The following TET2 variants were observed in gnomAD, a reference collection of about 807,000 sequenced individuals.
The protein encoded by TET2 is tet methylcytosine dioxygenase 2.
A neutral mutation model predicts 142.9 loss-of-function variants in TET2; 299 were observed. That is an observed-to-expected ratio of 2.09 (90% CI 1.90 to 2.30). The LOEUF (loss-of-function observed/expected upper bound fraction) is 2.30. TET2 is among the 30% of genes most tolerant of loss of function. The pLI is 0.00. For synonymous variants in TET2, 819 were observed against 849.0 expected (o/e 0.96, Z 0.61); for missense variants, 2,418 against 2,378.0 (o/e 1.02, Z -0.35).
chr4:105,196,961 C>T (rs971736965), intron 2 of TET2, among the ~76,000 whole-genome samples: 1 of 152,152 alleles, frequency 6.6e-6, no homozygotes, highest in African/African-American at 2.4e-5. Flanking sequence ...AAAATAGATA[C>T]AGCACTTGCC....
chr4:105,152,578 TTTTCTTTC>T (rs202087309), intron 1 of TET2, among the ~76,000 whole-genome samples: 3 of 131,326 alleles, frequency 2.3e-5, no homozygotes, highest in African/African-American at 5.8e-5. Flanking sequence ...TTCTTTTCCT[TTTTCTTTC>T]TTTCTTTCTT....
chr4:105,199,931 T>A (rs1417047707), intron 2 of TET2, among the ~76,000 whole-genome samples: 5 of 152,318 alleles, frequency 3.3e-5, no homozygotes, highest in South Asian at 2.1e-4. Context: ...TTTTTTTTTA[T>A]CCAGTCTATT....
At position 105,158,811 on chromosome 4, in the gene TET2, GA is replaced by G. The variant is rs57197640; in HGVS notation, c.-193+11843del. Among the ~76,000 whole-genome samples the G allele has an allele frequency of 8.8e-3, 1,265 of 143,218 alleles. 13 individuals are homozygous for G. The highest frequency in any genetic ancestry group is 0.029 in the African/African-American group (1,126 of 39,412). 94.0% of individuals were successfully genotyped at this position (143,218 alleles called of 152,430 possible). ...ATATTACAGTTCTTCCTCTTTTTTG[GA>G]AAAAAAAAAAGAAAGAAAAGACAAA... On this transcript the variant is annotated intron_variant, in intron 1 of 10. Transcript: ENST00000380013.
chr4:105,235,799 T>C lies in TET2; in HGVS notation c.1857T>C (p.Ala619=), dbSNP rs375186873. Residue 619 remains alanine, a synonymous_variant, in exon 3 of 11, where the codon GCT becomes GCC. Transcript: ENST00000380013. ...TGCCTGGGGGGCTCCCAAGGCAAGC[T>C]TACACCCAGAAAACAACACAGCTGG... The part of the protein sequence containing the change: ...SNMPGGLPRQ[A]YTQKTTQLEH... 60 of 1,613,936 alleles carry C rather than the reference T, an allele frequency of 3.7e-5. No individual in the cohort carries two copies. The highest frequency in any genetic ancestry group is 1.4e-5 in the Non-Finnish European group (17 of 1,180,016).
intron 1 of TET2, among the ~76,000 whole-genome samples, chr4:105,163,838 AGAGAGAGAGAGAGAGAGTGT>A (rs1350884202): frequency 7.4e-5 from 9 of 121,314 alleles, no homozygotes; most frequent in African/African-American, 1.1e-4. Context: ...AGAGAGAGAG[AGAGAGAGAGAGAGAGAGTGT>A]GTGTGTGTGT....
At chr4:105,183,081 T>C (rs925498809) in intron 1 of TET2, among the ~76,000 whole-genome samples, 6 of 152,140 alleles carry the variant, frequency 3.9e-5, no homozygotes, top group African/African-American at 1.4e-4. Flanking sequence ...ATGCTATAGA[T>C]TGGAAGCAGT....
intron 1 of TET2, among the ~76,000 whole-genome samples, chr4:105,149,435 T>A (rs1026484743): frequency 5.9e-5 from 9 of 152,204 alleles, no homozygotes; most frequent in African/African-American, 2.2e-4. Context: ...AAGAGATGTG[T>A]ATGTTAGTCA....
rs202055994 is a variant in TET2, at chr4:105,241,955, G to A, written c.3500+526G>A. On this transcript the variant is annotated intron_variant, in intron 4 of 10. Coordinates refer to ENST00000380013, the MANE Select transcript of TET2 (RefSeq NM_001127208.3). ...ACAGCTGCCTTTTTTTTTTTTTTTC[G>A]CTATCAATCACAGGTATACAAGTAC... 3.8e-5 allele frequency: 34 copies of A among 903,320 alleles called. No individual in the cohort carries two copies. In the East Asian group the frequency reaches 1.0e-3, roughly 27 times the overall value. 56.0% of individuals were successfully genotyped at this position (903,320 alleles called of 1,614,324 possible).
At chr4:105,268,202 AAATT>A (rs761265534) in intron 8 of TET2, among the ~76,000 whole-genome samples, 4 of 152,322 alleles carry the variant, frequency 2.6e-5, no homozygotes, top group Non-Finnish European at 5.9e-5. Flanking sequence ...CCAGAAAATG[AAATT>A]AATATATGAA....
At chr4:105,159,240 T>G (rs1044282557) in intron 1 of TET2, among the ~76,000 whole-genome samples, 2 of 150,564 alleles carry the variant, frequency 1.3e-5, no homozygotes, top group Non-Finnish European at 2.9e-5. Context: ...AATCTTTTTC[T>G]TTCTTTCTTT....
Position 105,275,194 on chromosome 4 carries a change from GC to G in TET2, c.4685del (p.Ala1562ValfsTer9). 1 of 1,552,228 alleles carries G rather than the reference GC, an allele frequency of 6.4e-7. No homozygotes were observed. The highest frequency in any genetic ancestry group is 8.7e-7 in the Non-Finnish European group (1 of 1,147,110). On this transcript the variant is annotated frameshift_variant, in exon 11 of 11. Coordinates refer to ENST00000380013, the MANE Select transcript of TET2 (RefSeq NM_001127208.3). LOFTEE classifies it low-confidence loss of function (END_TRUNC). ...PQTESVNSYS[A>X]SGSTNPYMRR... ...GACAGAGTCTGTCAACTCTTATTCT[GC>G]TTCTGGATCCACCAATCCATACATG...
At chr4:105,239,074 G>GTTTGTTTTTTTTTTTTTTTTTT in intron 3 of TET2, 1 of 210,648 alleles carries the variant, frequency 4.7e-6, no homozygotes. Context: ...TTTGTTTTTT[G>GTTTGTTTTTTTTTTTTTTTTTT]TTTTTTTTTT....
chr4:105,237,093 CAG>C lies in TET2; in HGVS notation c.3153_3154del (p.Lys1052AlafsTer5). ...CCATAAGGCTCTTACTCTCAAATCA[CAG>C]AAGCAAGTAAAAGTTGAAATGTCAG... ...FDHKALTLKSQKQVKVEMSGP... is the reference protein window; with the variant it reads ...FDHKALTLKSXKQVKVEMSGP... On this transcript the variant is annotated frameshift_variant, in exon 3 of 11. Coordinates refer to ENST00000380013, the MANE Select transcript of TET2 (RefSeq NM_001127208.3). LOFTEE classifies it high-confidence loss of function. 6.2e-7 allele frequency: 1 copy of C among 1,614,150 alleles called. No individual in the cohort carries two copies. Among genetic ancestry groups the C allele is most frequent in the South Asian group, 1.1e-5 (1 of 91,084 alleles).
In TET2 at chr4:105,276,704, C is replaced by T. The variant is rs1244105796; in HGVS notation, c.*185C>T. 1.6e-6 allele frequency: 1 copy of T among 631,508 alleles called. No individual in the cohort carries two copies. The highest frequency in any genetic ancestry group is 2.6e-6 in the Non-Finnish European group (1 of 389,966). 39.1% of individuals were successfully genotyped at this position (631,508 alleles called of 1,614,324 possible). On this transcript the variant is annotated 3_prime_UTR_variant, in exon 11 of 11. Coordinates refer to ENST00000380013, the MANE Select transcript of TET2 (RefSeq NM_001127208.3). ...CATAGCACTTAATTTTCACTGGCTC[C>T]CAAGTGGTCACAGATGGCATCTAGG... is the stretch of plus-strand genomic sequence containing the variant.
chr4:105,255,144 G>A (rs1560560588), intron 6 of TET2, among the ~76,000 whole-genome samples: 2 of 152,122 alleles, frequency 1.3e-5, no homozygotes, highest in Non-Finnish European at 2.9e-5. Flanking sequence ...GTCAATTTTA[G>A]TAGTTTGTGT....
chr4:105,237,712 G>A (rs1415794827), intron 3 of TET2: 1 of 1,246,654 alleles, frequency 8.0e-7, no homozygotes, highest in East Asian at 4.0e-5. Context: ...CTATTAAAAT[G>A]AGAAAATAAC....
chr4:105,269,556 G>T (rs77769710), intron 8 of TET2, 54 bp from the exon 9 acceptor site: 2 of 1,527,894 alleles, frequency 1.3e-6, no homozygotes, highest in Non-Finnish European at 8.9e-7. Context: ...GTGAGTTTTC[G>T]GTGTAAGAGT....
rs992161318 is a variant in TET2 at position 105,234,151 on chromosome 4, A to C, written c.209A>C (p.Gln70Pro). The C allele has an allele frequency of 1.9e-6, 3 of 1,614,194 alleles. No individual in the cohort carries two copies. Among genetic ancestry groups the C allele is most frequent in the Non-Finnish European group, 2.5e-6 (3 of 1,180,028 alleles). ...GGAATACCCTGTATGAAGGGAAGCCAGAATAGTCGTGTGAGTCCTGACTTT... is the reference window on the plus strand; with the variant it reads ...GGAATACCCTGTATGAAGGGAAGCCCGAATAGTCGTGTGAGTCCTGACTTT... ...YYGIPCMKGS[Q>P]NSRVSPDFTQ... Residue 70 changes from glutamine to proline, a missense_variant, in exon 3 of 11, where the codon CAG becomes CCG. By Grantham distance (76) the Gln-to-Pro change is moderately conservative. Coordinates refer to ENST00000380013, the MANE Select transcript of TET2 (RefSeq NM_001127208.3).
intron 1 of TET2, among the ~76,000 whole-genome samples, chr4:105,155,405 C>T (rs1448897096): frequency 6.6e-6 from 1 of 152,192 alleles, no homozygotes; most frequent in African/African-American, 2.4e-5. Context: ...GATGGCTCTC[C>T]ATCTTTGCTA....
Sources: allele counts gnomAD v4.1 joint callset (sites outside exome capture counted in the v4.1 genomes callset), GRCh38; gene constraint gnomAD v4.1.1; transcripts MANE v1.5; gene names NCBI Gene and HGNC (gene_info 2026-07-23, HGNC 2026-07-21).